KIDINS220: variants seen among roughly 807,000 people sequenced by gnomAD.
KIDINS220 encodes the protein kinase D-interacting substrate of 220 kDa.
Under a neutral mutation model 157.6 loss-of-function variants are expected in KIDINS220, and 63 were observed. That is an observed-to-expected ratio of 0.40 (90% confidence interval 0.33 to 0.49). KIDINS220 has a LOEUF of 0.49. Among genes scored for constraint, KIDINS220 ranks in the 20% least tolerant of loss-of-function variants. The pLI is 0.66. For synonymous variants in KIDINS220, 732 were observed against 783.6 expected (o/e 0.93, Z 1.10); for missense variants, 1,772 against 2,171.2 (o/e 0.82, Z 3.65).
intron 21 of KIDINS220, among the ~76,000 whole-genome samples, chr2:8,775,764 T>C (rs1670880437): frequency 6.6e-6 from 1 of 152,172 alleles, no homozygotes; most frequent in South Asian, 2.1e-4. Flanking sequence ...GCAGCTTTTC[T>C]TGGGAAGGGA....
intron 27 of KIDINS220, among the ~76,000 whole-genome samples, chr2:8,736,356 G>A (rs1327381346): frequency 4.6e-5 from 7 of 152,186 alleles, no homozygotes. Context: ...CTATGCAAAT[G>A]CATTAACCTT....
intron 29 of KIDINS220, among the ~76,000 whole-genome samples, chr2:8,732,423 C>T (rs990665668): frequency 3.9e-5 from 6 of 152,298 alleles, no homozygotes; most frequent in South Asian, 2.1e-4. Context: ...TAACTTCAAA[C>T]GTTTAGCTTT....
intron 26 of KIDINS220, among the ~76,000 whole-genome samples, chr2:8,743,952 T>G (rs1665984805): frequency 6.6e-6 from 1 of 151,756 alleles, no homozygotes; most frequent in South Asian, 2.1e-4. Flanking sequence ...TTTCACAAGA[T>G]TTGGCATATA....
intron 22 of KIDINS220, among the ~76,000 whole-genome samples, chr2:8,756,413 G>T (rs1668019417): frequency 6.6e-6 from 1 of 152,092 alleles, no homozygotes; most frequent in Non-Finnish European, 1.5e-5. Context: ...CATCCAATCT[G>T]GATTCTTTTA....
chr2:8,762,098 C>T (rs1320987708), intron 22 of KIDINS220, among the ~76,000 whole-genome samples: 2 of 152,090 alleles, frequency 1.3e-5, no homozygotes, highest in East Asian at 1.9e-4. Context: ...TGTAAACCTG[C>T]ACAAGTAATA....
chr2:8,752,795 C>T (rs888499141), intron 22 of KIDINS220, among the ~76,000 whole-genome samples: 10 of 151,832 alleles, frequency 6.6e-5, no homozygotes, highest in Non-Finnish European at 1.5e-4. Flanking sequence ...TATGTATATA[C>T]GTAAGATAGA....
intron 22 of KIDINS220, among the ~76,000 whole-genome samples, chr2:8,751,971 C>G (rs1191104361): frequency 2.6e-5 from 4 of 152,128 alleles, no homozygotes; most frequent in Non-Finnish European, 5.9e-5. Flanking sequence ...TCCCAAAGTG[C>G]TGGGATTACA....
chr2:8,730,110 C>A lies in KIDINS220; in HGVS notation c.*610G>T. Reference sequence around the variant, plus strand: ...TCAGGACAGCCCCGTCACACTACTGCCAGCCCTGGTGACTCACTTTGTTGG... The same window carrying A: ...TCAGGACAGCCCCGTCACACTACTGACAGCCCTGGTGACTCACTTTGTTGG... On this transcript the variant is annotated 3_prime_UTR_variant, in exon 30 of 30. Coordinates refer to ENST00000256707, the MANE Select transcript of KIDINS220 (RefSeq NM_020738.4). 9 of 985,924 alleles carry A rather than the reference C, an allele frequency of 9.1e-6. No individual in the cohort carries two copies. The highest frequency in any genetic ancestry group is 1.1e-5 in the Non-Finnish European group (9 of 830,322). 61.1% of individuals were successfully genotyped at this position (985,924 alleles called of 1,614,324 possible).
chr2:8,750,227 G>A lies in KIDINS220; in HGVS notation c.3299C>T (p.Ser1100Phe). Residue 1100 changes from serine to phenylalanine, a missense_variant, in exon 24 of 30, where the codon TCC (serine) becomes TTC (phenylalanine). Physicochemically the swap from Ser to Phe is radical, Grantham distance 155. Transcript: ENST00000256707. ...ATTGAAGGACGTGGAAGAGCACACG[G>A]ATGGGGGCTGGCTGTACCCTGATGG... ...RAPSGYSQPP[S>F]VCSSTSFNGP... is the part of the protein sequence containing the mutation. 6.2e-7 allele frequency: 1 copy of A among 1,614,060 alleles called. No homozygotes were observed. Among genetic ancestry groups the A allele is most frequent in the Non-Finnish European group, 8.5e-7 (1 of 1,179,986 alleles).
intron 15 of KIDINS220, 39 bp downstream of exon 15, chr2:8,788,608 T>A: frequency 6.3e-7 from 1 of 1,581,750 alleles, no homozygotes. Flanking sequence ...TTTTTCTGAA[T>A]CTCATTGAAG....
intron 1 of KIDINS220, among the ~76,000 whole-genome samples, chr2:8,828,565 C>T (rs534890691): frequency 1.1e-4 from 17 of 152,292 alleles, no homozygotes; most frequent in African/African-American, 4.1e-4. Context: ...CAGGTGCTAA[C>T]TCAAAATTGA....
chr2:8,833,063 T>C (rs551387360), intron 1 of KIDINS220, among the ~76,000 whole-genome samples: 1 of 152,328 alleles, frequency 6.6e-6, no homozygotes, highest in African/African-American at 2.4e-5. Context: ...TCTTATCTTC[T>C]AGCTACTTTA....
In KIDINS220 at chr2:8,800,469, G is replaced by A; in HGVS notation, c.831C>T (p.Val277=). ...RSGDTVLIGA[V]RGGHVEIVRA... is the part of the protein sequence containing the mutation. ...GAACAATTTCAACATGACCACCTCT[G>A]ACAGCGCCAATCAACACAGTATCCC... Residue 277 remains valine, a synonymous_variant, in exon 9 of 30, where the codon GTC becomes GTT. Coordinates refer to ENST00000256707, the MANE Select transcript of KIDINS220 (RefSeq NM_020738.4). The A allele has an allele frequency of 6.2e-7, 1 of 1,613,106 alleles. No homozygotes were observed. Among genetic ancestry groups the A allele is most frequent in the Middle Eastern group, 1.6e-4 (1 of 6,062 alleles).
intron 4 of KIDINS220, among the ~76,000 whole-genome samples, chr2:8,813,926 A>AC (rs1676693737): frequency 6.6e-6 from 1 of 152,180 alleles, no homozygotes; most frequent in Non-Finnish European, 1.5e-5. Context: ...TCCATCTCAA[A>AC]TAAAAAAAAA....
chr2:8,742,291 T>C (rs6735272), intron 26 of KIDINS220, among the ~76,000 whole-genome samples: 55,421 of 150,520 alleles, frequency 0.37, 11,781 homozygotes, highest in African/African-American at 0.59. Context: ...TTTAAAGAAA[T>C]GGTCTTGCTA....
At chr2:8,769,103 T>C (rs1273864323) in intron 22 of KIDINS220, among the ~76,000 whole-genome samples, 1 of 152,194 alleles carries the variant, frequency 6.6e-6, no homozygotes, top group Non-Finnish European at 1.5e-5. Flanking sequence ...GTTGGTTTAA[T>C]GGCAAAGCAA....
intron 15 of KIDINS220, among the ~76,000 whole-genome samples, chr2:8,787,161 T>C (rs184105144): frequency 6.6e-6 from 1 of 152,168 alleles, no homozygotes; most frequent in Non-Finnish European, 1.5e-5. Context: ...TCTGTAAAAA[T>C]ATTCCCCCAA....
intron 21 of KIDINS220, among the ~76,000 whole-genome samples, chr2:8,772,192 T>C (rs1328024838): frequency 1.3e-5 from 2 of 151,918 alleles, no homozygotes; most frequent in African/African-American, 4.8e-5. Flanking sequence ...TATGAGTGAA[T>C]AGGCCAGGTG....
chr2:8,751,112 A>G (rs1258850895), intron 23 of KIDINS220, among the ~76,000 whole-genome samples: 1 of 151,178 alleles, frequency 6.6e-6, no homozygotes, highest in Non-Finnish European at 1.5e-5. Context: ...CAAGCAAATT[A>G]CAATGAATGG....
Sources: allele counts gnomAD v4.1 joint callset (sites outside exome capture counted in the v4.1 genomes callset), GRCh38; gene constraint gnomAD v4.1.1; transcripts MANE v1.5; gene names NCBI Gene and HGNC (gene_info 2026-07-23, HGNC 2026-07-21).